ARHGEF10: variants seen among roughly 807,000 people sequenced by gnomAD.
The protein encoded by ARHGEF10 is Rho guanine nucleotide exchange factor (GEF) 10.
In ARHGEF10, 140 loss-of-function variants were observed where a neutral mutation model predicts 147.4. That is an observed-to-expected ratio of 0.95 (90% CI 0.83 to 1.09). The LOEUF is 1.09. Ranked by LOEUF, ARHGEF10 falls within the 50% of genes least tolerant of loss-of-function variation. The pLI is 0.00. For synonymous variants in ARHGEF10, 902 were observed against 695.8 expected, an observed-to-expected ratio of 1.30 and a Z score of -4.67; for missense variants, 2,222 against 1,752.7, an observed-to-expected ratio of 1.27 and a Z score of -4.78.
intron 18 of ARHGEF10, among the ~76,000 whole-genome samples, chr8:1,910,900 T>A (rs1351574003): frequency 1.3e-5 from 2 of 152,242 alleles, no homozygotes; most frequent in African/African-American, 2.4e-5. Context: ...ATGTATTCCA[T>A]GCAATGTTAT....
rs970906589 is a variant in ARHGEF10, at chr8:1,957,710, A to T, written c.*447A>T. The T allele has an allele frequency of 1.2e-5, 2 of 164,918 alleles. No homozygotes were observed. The highest frequency in any genetic ancestry group is 2.6e-5 in the Non-Finnish European group (2 of 76,112). The allele number at this position is 164,918 out of a possible 1,614,324, so 10.2% of individuals were successfully genotyped here. A position where few individuals can be genotyped will look rare whatever the true frequency, so the allele number is the denominator to read the frequency against. ...TAAAAGTTTTACCTGATTCAGATTC[A>T]CGACTTTTATTTATATTCTATATTT... On this transcript the variant is annotated 3_prime_UTR_variant, in exon 29 of 29. Coordinates refer to ENST00000349830, the MANE Select transcript of ARHGEF10 (RefSeq NM_014629.4).
intron 25 of ARHGEF10, among the ~76,000 whole-genome samples, chr8:1,932,636 T>C (rs2129234058): frequency 6.6e-6 from 1 of 152,362 alleles, no homozygotes; most frequent in Middle Eastern, 3.4e-3. Context: ...CTGGGGCTAA[T>C]AATTACCCTA....
chr8:1,919,694 T>A (rs944957087), intron 18 of ARHGEF10, among the ~76,000 whole-genome samples: 1 of 141,368 alleles, frequency 7.1e-6, no homozygotes, highest in South Asian at 2.4e-4. Context: ...ATGAGCTGTT[T>A]TGTGGGTGAT....
At chr8:1,832,502 A>C (rs114955897) in intron 1 of ARHGEF10, among the ~76,000 whole-genome samples, 9,792 of 140,064 alleles carry the variant, frequency 0.07, 475 homozygotes, top group African/African-American at 0.13. Context: ...AGGCAGAGAC[A>C]CAGGCAGAGA....
chr8:1,885,136 G>C (rs1808548909), intron 10 of ARHGEF10, among the ~76,000 whole-genome samples: 1 of 152,158 alleles, frequency 6.6e-6, no homozygotes, highest in Admixed American at 6.5e-5. Context: ...CAGTGAGAGA[G>C]ACAGAAGAAA....
At chr8:1,875,561 C>G (rs1463993685) in intron 7 of ARHGEF10, among the ~76,000 whole-genome samples, 3 of 152,232 alleles carry the variant, frequency 2.0e-5, no homozygotes, top group African/African-American at 7.2e-5. Flanking sequence ...ACAGAACACA[C>G]TGCAGCTTCT....
chr8:1,866,326 C>T (rs973933809), intron 5 of ARHGEF10, among the ~76,000 whole-genome samples, 200 bp from the exon 6 acceptor site: 1 of 152,150 alleles, frequency 6.6e-6, no homozygotes, highest in African/African-American at 2.4e-5. Flanking sequence ...TACTTATTTA[C>T]AGAGTTATGA....
intron 17 of ARHGEF10, among the ~76,000 whole-genome samples, chr8:1,908,092 A>T (rs2129181536): frequency 6.6e-6 from 1 of 152,142 alleles, no homozygotes; most frequent in Middle Eastern, 3.4e-3. Flanking sequence ...TATGGACTGG[A>T]TGTCCTCATG....
At chr8:1,939,040 C>G (rs1413761962) in intron 26 of ARHGEF10, among the ~76,000 whole-genome samples, 1 of 151,050 alleles carries the variant, frequency 6.6e-6, no homozygotes, top group African/African-American at 2.4e-5. Context: ...CTCTGGAATA[C>G]CAGTCCCCAG....
At chr8:1,876,821 C>T in intron 8 of ARHGEF10, 87 bp downstream of exon 8, 1 of 1,429,830 alleles carries the variant, frequency 7.0e-7, no homozygotes. Flanking sequence ...CCACCTAGTA[C>T]TTCATAGTGA....
chr8:1,851,594 C>T (rs1442852582), intron 2 of ARHGEF10, among the ~76,000 whole-genome samples: 1 of 152,150 alleles, frequency 6.6e-6, no homozygotes, highest in Non-Finnish European at 1.5e-5. Context: ...CCTAAAACTG[C>T]TCTAAAAAGT....
At chr8:1,933,662 C>T (rs1813333485) in intron 25 of ARHGEF10, 138 bp from the exon 26 acceptor site, 1 of 1,153,750 alleles carries the variant, frequency 8.7e-7, no homozygotes, top group East Asian at 2.5e-5. Context: ...TCCCCAGACA[C>T]AGCCAGGATC....
In ARHGEF10 at chr8:1,857,995, G is replaced by C. The variant is rs527779906; in HGVS notation, c.73G>C (p.Glu25Gln). The change falls in exon 3 of 29, where the codon GAG becomes CAG. Residue 25 changes from glutamate to glutamine, a missense_variant. By Grantham distance (29) the Glu-to-Gln change is conservative (BLOSUM62 2). Coordinates refer to ENST00000349830, the MANE Select transcript of ARHGEF10 (RefSeq NM_014629.4). ...EMKYDTNNNE[E>Q]EEGEQFDFDS... ...GAAATATGATACCAATAATAATGAA[G>C]AGGAAGAGGGAGAACAGTTCGATTT... The C allele has an allele frequency of 5.6e-6, 9 of 1,614,022 alleles. No homozygotes were observed. The African/African-American group carries it at 6.7e-5, about 12-fold the overall frequency.
At chr8:1,944,847 G>A (rs1019047855) in intron 26 of ARHGEF10, among the ~76,000 whole-genome samples, 1 of 152,228 alleles carries the variant, frequency 6.6e-6, no homozygotes, top group African/African-American at 2.4e-5. Context: ...CAGCCCCTGA[G>A]GCCATGTTGG....
intron 18 of ARHGEF10, among the ~76,000 whole-genome samples, chr8:1,919,917 A>G (rs62479176): frequency 0.52 from 45,460 of 88,106 alleles, 12,321 homozygotes; most frequent in East Asian, 0.84. Context: ...TGTTCTGTGG[A>G]TGATGGAGCT....
intron 9 of ARHGEF10, 75 bp from the exon 10 acceptor site, chr8:1,882,560 T>C (rs1455051498): frequency 1.2e-5 from 15 of 1,226,062 alleles, no homozygotes; most frequent in Non-Finnish European, 1.6e-5. Context: ...GACAGTATTC[T>C]TTTAAAACAG....
chr8:1,903,135 A>G, intron 15 of ARHGEF10, 146 bp from the exon 16 acceptor site: 1 of 1,054,120 alleles, frequency 9.5e-7, no homozygotes, highest in Non-Finnish European at 1.5e-6. Context: ...TCAGCTCATC[A>G]TCCCTTCCCA....
chr8:1,915,152 A>G (rs530412080), intron 18 of ARHGEF10, among the ~76,000 whole-genome samples: 1 of 152,294 alleles, frequency 6.6e-6, no homozygotes, highest in East Asian at 1.9e-4. Flanking sequence ...ATGCTGAGAA[A>G]GGCCTTCAAA....
intron 11 of ARHGEF10, among the ~76,000 whole-genome samples, 165 bp from the exon 12 acceptor site, chr8:1,893,404 C>T (rs1246881041): frequency 6.6e-6 from 1 of 152,060 alleles, no homozygotes; most frequent in Non-Finnish European, 1.5e-5. Flanking sequence ...ATTAATGGGG[C>T]GAAGTATGTT....
Sources: gnomAD v4.1 joint callset for allele counts (sites outside exome capture counted in the v4.1 genomes callset) on GRCh38, gnomAD v4.1.1 for gene constraint, MANE v1.5 for transcripts, NCBI Gene and HGNC (gene_info 2026-07-23, HGNC 2026-07-21) for gene names.